The following CLYBL variants were observed in gnomAD, a reference collection of about 807,000 sequenced individuals.
CLYBL encodes the protein citramalyl-CoA lyase, also known as citramalyl-CoA lyase, mitochondrial.
A neutral mutation model predicts 38.9 loss-of-function variants in CLYBL; 31 were observed. That is an observed-to-expected ratio of 0.80 (90% confidence interval 0.60 to 1.08). The LOEUF is 1.08. Among genes scored for constraint, CLYBL ranks in the 50% least tolerant of loss-of-function variants. The pLI, the probability that CLYBL is intolerant of heterozygous loss-of-function variation, is 0.00. For synonymous variants in CLYBL, 171 were observed against 158.6 expected (o/e 1.08, Z -0.59); for missense variants, 434 against 411.6 (o/e 1.05, Z -0.47).
intron 1 of CLYBL, among the ~76,000 whole-genome samples, chr13:99,719,153 A>ATTT (rs34168768): frequency 2.2e-5 from 3 of 135,674 alleles, no homozygotes; most frequent in Non-Finnish European, 3.1e-5. Flanking sequence ...CACAAGGCCT[A>ATTT]TTTTTTTTTT....
chr13:99,678,300 A>G (rs1189115529), intron 1 of CLYBL, among the ~76,000 whole-genome samples: 1 of 152,200 alleles, frequency 6.6e-6, no homozygotes, highest in Non-Finnish European at 1.5e-5. Flanking sequence ...GCTCTCATGT[A>G]TCAGACAGTC....
chr13:99,894,877 CAG>C (rs1566371058), downstream of CLYBL: 2 of 151,986 alleles, frequency 1.3e-5, no homozygotes, highest in Non-Finnish European at 2.9e-5. Flanking sequence ...GAACTCCAGT[CAG>C]AGTCAGGCAG....
At chr13:99,894,369 G>A (rs1437789099), downstream of CLYBL, 1 of 152,246 alleles carries the variant, frequency 6.6e-6, no homozygotes, top group Non-Finnish European at 1.5e-5. Flanking sequence ...CAGCTAATCT[G>A]ATTCATTAGA....
intron 1 of CLYBL, among the ~76,000 whole-genome samples, chr13:99,636,098 A>G (rs2047014476): frequency 6.6e-6 from 1 of 152,186 alleles, no homozygotes; most frequent in Non-Finnish European, 1.5e-5. Flanking sequence ...GAGTGATTAT[A>G]TTAACTTTAA....
chr13:99,741,286 G>A (rs1267699513), intron 1 of CLYBL, among the ~76,000 whole-genome samples: 1 of 152,180 alleles, frequency 6.6e-6, no homozygotes, highest in Non-Finnish European at 1.5e-5. Context: ...TGGTGTTGGG[G>A]AGTCAGGGAC....
intron 1 of CLYBL, among the ~76,000 whole-genome samples, chr13:99,698,272 A>C (rs1594125647): frequency 6.6e-6 from 1 of 150,490 alleles, no homozygotes; most frequent in African/African-American, 2.4e-5. Context: ...GCTCACTGCA[A>C]CCTCCACCTC....
chr13:99,901,111 C>T (rs1184813214), downstream of CLYBL, among the ~76,000 whole-genome samples: 1 of 152,150 alleles, frequency 6.6e-6, no homozygotes, highest in Non-Finnish European at 1.5e-5. Flanking sequence ...ATGTGGATGC[C>T]AGCGCCAAGG....
chr13:99,763,624 G>T (rs894942992), intron 1 of CLYBL, among the ~76,000 whole-genome samples: 3 of 148,618 alleles, frequency 2.0e-5, no homozygotes, highest in Non-Finnish European at 4.4e-5. Flanking sequence ...GCACGATCTC[G>T]GCTCACTGCA....
intron 1 of CLYBL, among the ~76,000 whole-genome samples, chr13:99,737,194 A>G (rs777150313): frequency 4.5e-5 from 6 of 134,538 alleles, no homozygotes; most frequent in Admixed American, 2.9e-4. Context: ...GCCCAGCAGC[A>G]GCTCCCCGGT....
rs2049995128 is a variant in CLYBL, at chr13:99,795,085, T to G, written c.249+22075T>G. On this transcript the variant is annotated intron_variant, in intron 2 of 8. Transcript: ENST00000339105. ...CCGGCTATGCAGGCCGCATGGTGTT[T>G]TGCTGATAACAGAGGAGGAAAGTGT... Among the ~76,000 whole-genome samples, 4 of 152,204 alleles carry G rather than the reference T, an allele frequency of 2.6e-5. No homozygotes were observed. In the South Asian group the frequency reaches 8.3e-4, roughly 31 times the overall value.
chr13:99,784,629 A>G (rs991235321), intron 2 of CLYBL, among the ~76,000 whole-genome samples: 2 of 151,222 alleles, frequency 1.3e-5, no homozygotes, highest in African/African-American at 4.9e-5. Context: ...TAATTTTTGT[A>G]TTTTTAGTAG....
At chr13:99,711,403 C>CTTTTT (rs71215540) in intron 1 of CLYBL, among the ~76,000 whole-genome samples, 7 of 83,198 alleles carry the variant, frequency 8.4e-5, no homozygotes, top group Non-Finnish European at 8.5e-5. Flanking sequence ...GGGAGTCCGT[C>CTTTTT]TTTTTTTTTT....
chr13:99,831,861 G>A (rs2050810866), intron 2 of CLYBL, among the ~76,000 whole-genome samples: 3 of 151,998 alleles, frequency 2.0e-5, no homozygotes, highest in Non-Finnish European at 4.4e-5. Flanking sequence ...CTGGTTTAGG[G>A]TATTTTTAGC....
chr13:99,664,564 T>C (rs977881440), intron 1 of CLYBL, among the ~76,000 whole-genome samples: 1 of 152,248 alleles, frequency 6.6e-6, no homozygotes, highest in African/African-American at 2.4e-5. Flanking sequence ...TTATAAACAC[T>C]ATTACATATA....
intron 7 of CLYBL, among the ~76,000 whole-genome samples, chr13:99,876,064 T>C (rs2052031103): frequency 7.7e-6 from 1 of 130,136 alleles, no homozygotes; most frequent in African/African-American, 2.9e-5. Flanking sequence ...TCATATTCTA[T>C]TTCACTTTTT....
intron 1 of CLYBL, among the ~76,000 whole-genome samples, chr13:99,613,534 A>G (rs535473444): frequency 6.6e-6 from 1 of 152,172 alleles, no homozygotes; most frequent in East Asian, 1.9e-4. Context: ...GTCCCTCTGT[A>G]CTGCTGTGAG....
At chr13:99,673,590 G>A (rs570578452) in intron 1 of CLYBL, among the ~76,000 whole-genome samples, 1 of 152,308 alleles carries the variant, frequency 6.6e-6, no homozygotes, top group East Asian at 1.9e-4. Context: ...AGGTAGAGCA[G>A]CCCTGTGTGT....
At chr13:99,751,621 G>A (rs774949033) in intron 1 of CLYBL, among the ~76,000 whole-genome samples, 32 of 152,212 alleles carry the variant, frequency 2.1e-4, no homozygotes, top group Admixed American at 3.9e-4. Flanking sequence ...CAAATTCATA[G>A]AGATGGAAAG....
At chr13:99,798,976 C>T (rs549839014) in intron 2 of CLYBL, among the ~76,000 whole-genome samples, 6 of 152,304 alleles carry the variant, frequency 3.9e-5, no homozygotes, top group African/African-American at 1.4e-4. Flanking sequence ...CGTGGATTAG[C>T]ATTTTTTGAC....
Sources: allele counts gnomAD v4.1 joint callset (sites outside exome capture counted in the v4.1 genomes callset), GRCh38; gene constraint gnomAD v4.1.1; transcripts MANE v1.5; gene names NCBI Gene and HGNC (gene_info 2026-07-23, HGNC 2026-07-21).